Variants in FOXP2 observed in about 807,000 individuals in gnomAD.
The protein encoded by FOXP2 is forkhead box protein P2.
A neutral mutation model predicts 115.8 loss-of-function variants in FOXP2; 12 were observed. The ratio of observed to expected loss-of-function variants is 0.10; its 90% CI spans 0.07 to 0.17. FOXP2 has a LOEUF of 0.17. Among genes scored for constraint, FOXP2 ranks in the 10% least tolerant of loss-of-function variants. FOXP2 has a pLI of 1.00. For synonymous variants in FOXP2, 328 were observed against 297.7 expected, an observed-to-expected ratio of 1.10 and a Z score of -1.05; for missense variants, 629 against 843.5, an observed-to-expected ratio of 0.75 and a Z score of 3.15.
At chr7:114,258,745 C>A (rs1042886855) in intron 1 of FOXP2, among the ~76,000 whole-genome samples, 10 of 152,118 alleles carry the variant, frequency 6.6e-5, no homozygotes, top group African/African-American at 2.2e-4. Flanking sequence ...ATGCAGAGAA[C>A]TTCTCTGTCT....
At chr7:114,377,663 G>A (rs1287568857) in intron 2 of FOXP2, among the ~76,000 whole-genome samples, 1 of 152,206 alleles carries the variant, frequency 6.6e-6, no homozygotes, top group Non-Finnish European at 1.5e-5. Flanking sequence ...CGAAGGATGG[G>A]ACAGTCATAG....
intron 1 of FOXP2, among the ~76,000 whole-genome samples, chr7:114,088,009 C>T (rs1306761561): frequency 2.0e-5 from 3 of 152,012 alleles, no homozygotes; most frequent in Admixed American, 1.3e-4. Flanking sequence ...CCGCAGAATC[C>T]GGAATCCCCA....
chr7:114,560,207 C>A (rs1256100296), intron 3 of FOXP2, among the ~76,000 whole-genome samples: 1 of 152,038 alleles, frequency 6.6e-6, no homozygotes, highest in Non-Finnish European at 1.5e-5. Context: ...TTGTATTTAA[C>A]CCCAAGTTTT....
intron 1 of FOXP2, among the ~76,000 whole-genome samples, chr7:114,143,226 CA>C (rs1792274705): frequency 6.6e-6 from 1 of 151,110 alleles, no homozygotes; most frequent in African/African-American, 2.4e-5. Context: ...AGCTGTGTCC[CA>C]CAGTATCTCC....
intron 3 of FOXP2, among the ~76,000 whole-genome samples, chr7:114,562,539 T>A (rs1004546726): frequency 1.3e-5 from 2 of 152,180 alleles, no homozygotes; most frequent in South Asian, 4.1e-4. Flanking sequence ...TTATATCCCT[T>A]TGTATCATAA....
chr7:114,289,960 G>T (rs1161685271), intron 2 of FOXP2, among the ~76,000 whole-genome samples: 1 of 151,838 alleles, frequency 6.6e-6, no homozygotes, highest in Non-Finnish European at 1.5e-5. Flanking sequence ...AAAGATTTTG[G>T]GGTCAGGTTG....
chr7:114,504,058 A>G (rs535749027), intron 2 of FOXP2, among the ~76,000 whole-genome samples: 8 of 151,824 alleles, frequency 5.3e-5, no homozygotes, highest in African/African-American at 1.7e-4. Context: ...AATATTGGAA[A>G]AATATTTTGA....
chr7:114,348,117 A>G (rs185068603), intron 2 of FOXP2, among the ~76,000 whole-genome samples: 3 of 152,248 alleles, frequency 2.0e-5, no homozygotes, highest in East Asian at 3.9e-4. Context: ...GGTAAATCAC[A>G]GTTGAAATAC....
At chr7:114,575,976 C>T (rs1775549269) in intron 3 of FOXP2, among the ~76,000 whole-genome samples, 1 of 151,708 alleles carries the variant, frequency 6.6e-6, no homozygotes, top group African/African-American at 2.4e-5. Flanking sequence ...GTGTGGTGTA[C>T]ACTTGAATTC....
intron 1 of FOXP2, among the ~76,000 whole-genome samples, chr7:114,264,611 G>A (rs1795849729): frequency 6.6e-6 from 1 of 152,120 alleles, no homozygotes; most frequent in African/African-American, 2.4e-5. Context: ...AATGATATTT[G>A]TAGTATTAAC....
chr7:114,473,946 T>G (rs1295852987), intron 2 of FOXP2, among the ~76,000 whole-genome samples: 3 of 152,108 alleles, frequency 2.0e-5, no homozygotes, highest in Non-Finnish European at 4.4e-5. Flanking sequence ...CATTGCCATC[T>G]TTTTCTTTAC....
chr7:114,150,298 A>G (rs913033244), intron 1 of FOXP2, among the ~76,000 whole-genome samples: 10 of 152,104 alleles, frequency 6.6e-5, no homozygotes, highest in African/African-American at 2.4e-4. Context: ...TTTATAATTG[A>G]TATCAGTTTC....
chr7:114,099,594 A>G (rs1166408606), intron 1 of FOXP2, among the ~76,000 whole-genome samples: 1 of 152,226 alleles, frequency 6.6e-6, no homozygotes, highest in African/African-American at 2.4e-5. Context: ...TATTATTCAC[A>G]GTAGCCAAGA....
intron 2 of FOXP2, among the ~76,000 whole-genome samples, chr7:114,511,937 C>T (rs1008684075): frequency 2.0e-5 from 3 of 151,726 alleles, no homozygotes; most frequent in Admixed American, 2.0e-4. Flanking sequence ...TAGTTTCTAT[C>T]CAAAAAATCT....
intron 2 of FOXP2, among the ~76,000 whole-genome samples, chr7:114,329,209 T>C (rs1270042185): frequency 1.3e-5 from 2 of 152,096 alleles, no homozygotes; most frequent in Admixed American, 1.3e-4. Context: ...AGCATTATTA[T>C]GATTAGGCCA....
At chr7:114,270,094 A>G (rs1346831737) in intron 1 of FOXP2, among the ~76,000 whole-genome samples, 1 of 152,212 alleles carries the variant, frequency 6.6e-6, no homozygotes, top group Non-Finnish European at 1.5e-5. Context: ...AGAAATGAGC[A>G]TTCTTTCACT....
At chr7:114,352,237 A>G (rs925196779) in intron 2 of FOXP2, among the ~76,000 whole-genome samples, 3 of 152,170 alleles carry the variant, frequency 2.0e-5, no homozygotes, top group African/African-American at 4.8e-5. Flanking sequence ...ACTGCAGTCC[A>G]GCCTGGGCAA....
intron 2 of FOXP2, among the ~76,000 whole-genome samples, chr7:114,289,215 A>G (rs1456286258): frequency 6.6e-6 from 1 of 151,878 alleles, no homozygotes; most frequent in Non-Finnish European, 1.5e-5. Flanking sequence ...TTTATCTAAC[A>G]TTTAAGATTT....
In FOXP2 at chr7:114,387,064, C is replaced by T. The variant is rs192555471; in HGVS notation, c.-10-39438C>T. Among the ~76,000 whole-genome samples the T allele has an allele frequency of 3.5e-3, 532 of 152,190 alleles. 7 individuals carry two copies. The highest frequency in any genetic ancestry group is 1.2e-3 in the Non-Finnish European group (80 of 68,014). ...TGTGACACATTACTAAATTTAACTT[C>T]AAAAGTTAAGTGCTATATAAACATA... On this transcript the variant is annotated intron_variant, in intron 2 of 17. Coordinates refer to the FOXP2 transcript ENST00000634411.
Sources: allele counts gnomAD v4.1 joint callset (sites outside exome capture counted in the v4.1 genomes callset), GRCh38; gene constraint gnomAD v4.1.1; transcripts MANE v1.5; gene names NCBI Gene and HGNC (gene_info 2026-07-23, HGNC 2026-07-21).